The following ZNF570 variants were observed in gnomAD, a reference collection of about 807,000 sequenced individuals.
ZNF570 encodes zinc finger protein 570.
ZNF570 carries 8 observed loss-of-function variants against 14.2 expected under a neutral mutation model. The observed-to-expected ratio is 0.56, with a 90% CI of 0.33 to 1.02. The LOEUF (loss-of-function observed/expected upper bound fraction) is 1.02, where lower values mean the gene tolerates loss of function less well. Ranked by LOEUF, ZNF570 falls within the 50% of genes least tolerant of loss-of-function variation. The pLI, the probability that ZNF570 is intolerant of heterozygous loss-of-function variation, is 0.03. For synonymous variants in ZNF570, 202 were observed against 207.6 expected (o/e 0.97, Z 0.23); for missense variants, 559 against 624.9 (o/e 0.89, Z 1.12).
chr19:37,485,202 C>A lies in ZNF570; in HGVS notation c.1580C>A (p.Pro527Gln). ...ATTCACATTGGGGAGTCACTGTCAC[C>A]ACCCAACCCAGTCAATCACCAAGTC... is the stretch of plus-strand genomic sequence containing the variant. ...QRIHIGESLS[P>Q]PNPVNHQVL The change falls in exon 5 of 5, where the codon CCA becomes CAA. Residue 527 changes from proline (P) to glutamine (Q), a missense_variant. Coordinates refer to ENST00000330173, the MANE Select transcript of ZNF570 (RefSeq NM_144694.5). The A allele has an allele frequency of 6.4e-7, 1 of 1,561,514 alleles. No individual in the cohort carries two copies. The highest frequency in any genetic ancestry group is 1.2e-5 in the South Asian group (1 of 81,560).
chr19:37,469,751 A>G (rs2041923553), intron 1 of ZNF570, 194 bp downstream of exon 1: 1 of 637,842 alleles, frequency 1.6e-6, no homozygotes, highest in African/African-American at 1.8e-5. Flanking sequence ...GTCGCTTGTG[A>G]TAGATACCCT....
At chr19:37,467,987 C>T, upstream of ZNF570, 3 of 1,508,270 alleles carry the variant, frequency 2.0e-6, no homozygotes, top group Non-Finnish European at 2.7e-6. Flanking sequence ...AGTAGTGTGG[C>T]CAGACCGCCT....
chr19:37,488,329 G>A lies in ZNF570; in HGVS notation c.*3096G>A, dbSNP rs1452688006. 1.3e-5 allele frequency: 2 copies of A among 152,032 alleles called. No homozygotes were observed. Among genetic ancestry groups the A allele is most frequent in the Middle Eastern group, 3.2e-3 (1 of 316 alleles). The allele number at this position is 152,032 out of a possible 1,614,324, so 9.4% of individuals were successfully genotyped here. A position where few individuals can be genotyped will look rare whatever the true frequency, so the allele number is the denominator to read the frequency against. Reference sequence around the variant, plus strand: ...ACTATTTTATATAATACAGTATAACGTACAATTTCAAAACATGCAAATTAG... The same window carrying A: ...ACTATTTTATATAATACAGTATAACATACAATTTCAAAACATGCAAATTAG... On this transcript the variant is annotated 3_prime_UTR_variant, in exon 5 of 5. Transcript: ENST00000330173.
chr19:37,469,248 A>G (rs2041909888), upstream of ZNF570: 5 of 1,383,908 alleles, frequency 3.6e-6, no homozygotes, highest in Admixed American at 6.2e-5. Flanking sequence ...GCTGCCAGAC[A>G]CTGCGACGCC....
At chr19:37,472,558 T>A (rs1178118368) in intron 2 of ZNF570, among the ~76,000 whole-genome samples, 1 of 151,814 alleles carries the variant, frequency 6.6e-6, no homozygotes, top group Non-Finnish European at 1.5e-5. Context: ...CAGACCAACA[T>A]GCAGAAACCC....
intron 4 of ZNF570, among the ~76,000 whole-genome samples, chr19:37,477,561 C>T (rs1960511162): frequency 4.0e-5 from 6 of 151,818 alleles, no homozygotes; most frequent in Admixed American, 3.3e-4. Flanking sequence ...ACGCTGGTCT[C>T]CAACTCCTGA....
intron 2 of ZNF570, among the ~76,000 whole-genome samples, chr19:37,473,779 A>G (rs1010260092): frequency 2.0e-5 from 3 of 152,182 alleles, no homozygotes; most frequent in African/African-American, 7.2e-5. Context: ...CCAAAGAATG[A>G]TAGGAATGGC....
intron 1 of ZNF570, among the ~76,000 whole-genome samples, chr19:37,469,907 G>C (rs2041926782): frequency 6.6e-6 from 1 of 152,168 alleles, no homozygotes; most frequent in Non-Finnish European, 1.5e-5. Flanking sequence ...GAGAGACTGT[G>C]TGCCACGGAG....
chr19:37,469,449 G>A lies in ZNF570; in HGVS notation c.-160G>A. On this transcript the variant is annotated 5_prime_UTR_variant, in exon 1 of 5. Coordinates refer to ENST00000330173, the MANE Select transcript of ZNF570 (RefSeq NM_144694.5). ...TTCCCCGAGCCTTCGGGGCAGGAAG[G>A]AGATCTTCCACCAGTTCTGTTCTGC... is the stretch of plus-strand genomic sequence containing the variant. 6.5e-7 allele frequency: 1 copy of A among 1,535,946 alleles called. No individual in the cohort carries two copies. The highest frequency in any genetic ancestry group is 8.7e-7 in the Non-Finnish European group (1 of 1,146,640).
At chr19:37,482,500 AC>A (rs1488447290) in intron 4 of ZNF570, among the ~76,000 whole-genome samples, 1 of 152,134 alleles carries the variant, frequency 6.6e-6, no homozygotes, top group Non-Finnish European at 1.5e-5. Context: ...CTATCATGAC[AC>A]TACCAACAGG....
chr19:37,473,625 G>A (rs2041993429), intron 2 of ZNF570, among the ~76,000 whole-genome samples: 2 of 152,138 alleles, frequency 1.3e-5, no homozygotes, highest in Non-Finnish European at 2.9e-5. Flanking sequence ...GTTTGGTACT[G>A]ACTGGTACTG....
intron 2 of ZNF570, 54 bp downstream of exon 2, chr19:37,470,441 C>A: frequency 6.4e-7 from 1 of 1,561,662 alleles, no homozygotes; most frequent in Non-Finnish European, 8.8e-7. Flanking sequence ...TCAAAACAAG[C>A]AGGTACTAAT....
At chr19:37,481,528 A>G (rs753327728) in intron 4 of ZNF570, among the ~76,000 whole-genome samples, 23 of 152,156 alleles carry the variant, frequency 1.5e-4, no homozygotes, top group Non-Finnish European at 3.1e-4. Context: ...TTGAGAAGTC[A>G]GTTTTCATTA....
chr19:37,471,457 G>C (rs2041963422), intron 2 of ZNF570, among the ~76,000 whole-genome samples: 1 of 152,144 alleles, frequency 6.6e-6, no homozygotes, highest in Non-Finnish European at 1.5e-5. Flanking sequence ...TTTTTAGTAA[G>C]CACCCATTAC....
chr19:37,479,685 T>C (rs1048198301), intron 4 of ZNF570, among the ~76,000 whole-genome samples: 3 of 152,116 alleles, frequency 2.0e-5, no homozygotes, highest in Non-Finnish European at 4.4e-5. Context: ...TTTCATTTGG[T>C]CATATGTTTT....
chr19:37,467,859 T>C (rs1283100554), upstream of ZNF570: 1 of 1,535,824 alleles, frequency 6.5e-7, no homozygotes, highest in Non-Finnish European at 8.7e-7. Flanking sequence ...TCGTGGCTGT[T>C]TGATTCTGAC....
intron 4 of ZNF570, among the ~76,000 whole-genome samples, chr19:37,481,764 C>T (rs2042090612): frequency 6.6e-6 from 1 of 152,160 alleles, no homozygotes; most frequent in South Asian, 2.1e-4. Flanking sequence ...ACTCCAGTTA[C>T]ATGTGCCTAA....
chr19:37,473,829 A>G (rs967623292), intron 2 of ZNF570, among the ~76,000 whole-genome samples: 4 of 152,226 alleles, frequency 2.6e-5, no homozygotes, highest in African/African-American at 9.6e-5. Flanking sequence ...TGAAGAATTT[A>G]AGGACTGACA....
intron 4 of ZNF570, among the ~76,000 whole-genome samples, chr19:37,477,959 G>A (rs2042046068): frequency 6.6e-6 from 1 of 152,022 alleles, no homozygotes; most frequent in African/African-American, 2.4e-5. Context: ...CCTTATACCA[G>A]TACCACACTG....
Sources: gnomAD v4.1 joint callset for allele counts (sites outside exome capture counted in the v4.1 genomes callset) on GRCh38, gnomAD v4.1.1 for gene constraint, MANE v1.5 for transcripts, NCBI Gene and HGNC (gene_info 2026-07-23, HGNC 2026-07-21) for gene names.